The following CERT1 variants were observed in gnomAD, a reference collection of about 807,000 sequenced individuals.
CERT1 encodes the protein ceramide transfer protein.
A neutral mutation model predicts 87.9 loss-of-function variants in CERT1; 31 were observed. That is an observed-to-expected ratio of 0.35 (90% CI 0.27 to 0.48). CERT1 has a LOEUF of 0.48. Ranked by LOEUF, CERT1 falls within the 20% of genes least tolerant of loss-of-function variation. The pLI, the probability that CERT1 is intolerant of heterozygous loss-of-function variation, is 0.99. For missense variants in CERT1, 487 were observed against 758.0 expected, an observed-to-expected ratio of 0.64 and a Z score of 4.20; for synonymous variants, 289 against 250.9, an observed-to-expected ratio of 1.15 and a Z score of -1.44.
chr5:75,499,870 C>T (rs1440828956), intron 2 of CERT1, among the ~76,000 whole-genome samples: 3 of 152,202 alleles, frequency 2.0e-5, no homozygotes, highest in Non-Finnish European at 4.4e-5. Context: ...TTGAACTGTG[C>T]CCCCCTCAAA....
intron 2 of CERT1, among the ~76,000 whole-genome samples, chr5:75,483,095 C>G (rs1014493456): frequency 6.6e-6 from 1 of 152,030 alleles, no homozygotes. Flanking sequence ...CTTTAAGATA[C>G]GGTATTCAAA....
At chr5:75,478,902 T>C (rs1461426443) in intron 2 of CERT1, among the ~76,000 whole-genome samples, 1 of 40,228 alleles carries the variant, frequency 2.5e-5, no homozygotes, top group Admixed American at 3.9e-4. Context: ...AGCTTGAAAG[T>C]AAGTACTAAA....
At chr5:75,453,057 T>C (rs1285043233) in intron 3 of CERT1, among the ~76,000 whole-genome samples, 2 of 152,196 alleles carry the variant, frequency 1.3e-5, no homozygotes, top group East Asian at 1.9e-4. Context: ...TAATGTCACA[T>C]TGAATTATGT....
intron 12 of CERT1, 46 bp from the exon 13 acceptor site, chr5:75,386,080 GC>G (rs1761773100): frequency 3.6e-6 from 5 of 1,394,440 alleles, no homozygotes; most frequent in East Asian, 5.3e-5. Flanking sequence ...TAAAAATCAA[GC>G]CCATAAAAGC....
chr5:75,395,374 T>C (rs2112059853), intron 11 of CERT1, among the ~76,000 whole-genome samples: 1 of 151,968 alleles, frequency 6.6e-6, no homozygotes, highest in South Asian at 2.1e-4. Context: ...CAAGGCCCTG[T>C]CTCTACAAAA....
Position 75,403,607 on chromosome 5 carries a change from T to G in CERT1, c.931-549A>C, listed in dbSNP as rs192297060. 2.4e-4 allele frequency among the ~76,000 whole-genome samples: 37 copies of G among 152,350 alleles called. No homozygotes were observed. The East Asian group carries it at 4.2e-3, about 17-fold the overall frequency. On this transcript the variant is annotated intron_variant, in intron 8 of 16. Transcript: ENST00000643780. ...GGTAAGTAAAAATTTGCACAAGAAC[T>G]ATAGCTAATAAGTACGGCTAGGCAT...
chr5:75,394,219 A>C (rs992611267), intron 11 of CERT1, among the ~76,000 whole-genome samples: 31 of 152,256 alleles, frequency 2.0e-4, no homozygotes, highest in Non-Finnish European at 4.3e-4. Flanking sequence ...GGCAGTAAAA[A>C]TTTTTAAAAC....
intron 1 of CERT1, among the ~76,000 whole-genome samples, chr5:75,510,523 C>T (rs1767896737): frequency 6.6e-6 from 1 of 152,150 alleles, no homozygotes; most frequent in South Asian, 2.1e-4. Flanking sequence ...ATGAATATTT[C>T]CTGTACCCAT....
chr5:75,441,904 T>A (rs1402979779), intron 3 of CERT1, among the ~76,000 whole-genome samples: 4 of 152,246 alleles, frequency 2.6e-5, no homozygotes, highest in African/African-American at 9.6e-5. Flanking sequence ...CTCTTTCATT[T>A]CTTTTGGGTA....
chr5:75,387,607 T>C (rs929745713), intron 12 of CERT1, among the ~76,000 whole-genome samples: 12 of 151,848 alleles, frequency 7.9e-5, no homozygotes, highest in Admixed American at 3.9e-4. Flanking sequence ...CCCAGCGTAG[T>C]GGCGGGTGCC....
intron 3 of CERT1, among the ~76,000 whole-genome samples, chr5:75,453,517 C>T (rs1443122896): frequency 6.6e-6 from 1 of 152,066 alleles, no homozygotes; most frequent in Admixed American, 6.6e-5. Context: ...TGCTTCCTGG[C>T]CAAAAGCCCT....
chr5:75,423,523 T>C (rs899596269), intron 5 of CERT1, among the ~76,000 whole-genome samples: 1 of 152,168 alleles, frequency 6.6e-6, no homozygotes, highest in Admixed American at 6.5e-5. Context: ...GAGAATCCCT[T>C]GAGGCCAGGA....
In CERT1 at chr5:75,424,227, C is replaced by T. The variant is rs143796000; in HGVS notation, c.595+1134G>A. ...TTTTTAAATGTACATACAATTATTA[C>T]TTCCATTTCTATTACTGATTCTTCT... On this transcript the variant is annotated intron_variant, in intron 5 of 16. Coordinates refer to ENST00000643780, the MANE Select transcript of CERT1 (RefSeq NM_001379029.1). Among the ~76,000 whole-genome samples, 315 of 152,266 alleles carry T rather than the reference C, an allele frequency of 2.1e-3. 1 individual carries two copies. In the East Asian group the frequency reaches 0.027, roughly 13 times the overall value.
Position 75,381,948 on chromosome 5 carries a change from C to T in CERT1, c.1617+1G>A, listed in dbSNP as rs1252451651. The T allele has an allele frequency of 1.9e-6, 3 of 1,611,808 alleles. No homozygotes were observed. Among genetic ancestry groups the T allele is most frequent in the Non-Finnish European group, 2.5e-6 (3 of 1,179,030 alleles). On this transcript the variant is annotated splice_donor_variant, in intron 15 of 16. Transcript: ENST00000643780. LOFTEE classifies it high-confidence loss of function. ...ATACACATTTATATACATGTACTTACAGGAGCACTGTCATGATCCACAGAA... is the reference window on the plus strand; with the variant it reads ...ATACACATTTATATACATGTACTTATAGGAGCACTGTCATGATCCACAGAA...
intron 2 of CERT1, among the ~76,000 whole-genome samples, chr5:75,489,671 A>G (rs544452420): frequency 2.6e-5 from 4 of 152,384 alleles, no homozygotes; most frequent in South Asian, 2.1e-4. Flanking sequence ...AATGCAAATC[A>G]AAACCACAAT....
chr5:75,440,315 C>G (rs1764267837), intron 3 of CERT1, among the ~76,000 whole-genome samples: 1 of 151,956 alleles, frequency 6.6e-6, no homozygotes, highest in Admixed American at 6.5e-5. Flanking sequence ...TTTCAATGGT[C>G]TAAAACCTAG....
Position 75,445,524 on chromosome 5 carries a change from C to T in CERT1, c.348+13541G>A, listed in dbSNP as rs142397612. On this transcript the variant is annotated intron_variant, in intron 3 of 16. Coordinates refer to ENST00000643780, the MANE Select transcript of CERT1 (RefSeq NM_001379029.1). The stretch of plus-strand genomic sequence containing the variant: ...TCTTTCTTTAAGAGACAAGGACTTG[C>T]TATTTTGCCAGGCTAAACTTAAACT... Among the ~76,000 whole-genome samples, 16 of 152,214 alleles carry T rather than the reference C, an allele frequency of 1.1e-4. No individual in the cohort carries two copies. The East Asian group carries it at 2.1e-3, about 20-fold the overall frequency.
intron 2 of CERT1, among the ~76,000 whole-genome samples, chr5:75,499,483 C>T (rs1033547142): frequency 1.4e-4 from 21 of 152,102 alleles, no homozygotes; most frequent in African/African-American, 4.3e-4. Context: ...TCTCTCCTGC[C>T]GCCCTGGGAA....
Position 75,385,996 on chromosome 5 carries a change from C to T in CERT1, c.1323G>A (p.Leu441=). 1 of 1,586,140 alleles carries T rather than the reference C, an allele frequency of 6.3e-7. No individual in the cohort carries two copies. The highest frequency in any genetic ancestry group is 2.3e-5 in the East Asian group (1 of 43,688). ...RREVEENGIV[L]DPLKATHAVK... is the part of the protein sequence containing the mutation. ...CTGCATGGGTAGCTTTTAAAGGATC[C>T]AGAACAATCCCATTTTCTTCTACTT... Residue 441 remains leucine (L), a synonymous_variant, in exon 13 of 17, where the codon CTG becomes CTA. Coordinates refer to ENST00000643780, the MANE Select transcript of CERT1 (RefSeq NM_001379029.1).
Sources: allele counts gnomAD v4.1 joint callset (sites outside exome capture counted in the v4.1 genomes callset), GRCh38; gene constraint gnomAD v4.1.1; transcripts MANE v1.5; gene names NCBI Gene and HGNC (gene_info 2026-07-23, HGNC 2026-07-21).